The following GRID2 variants were observed in gnomAD, a reference collection of about 807,000 sequenced individuals.
GRID2 encodes glutamate ionotropic receptor delta type subunit 2.
In GRID2, 33 loss-of-function variants were observed where a neutral mutation model predicts 114.8. That is an observed-to-expected ratio of 0.29 (90% confidence interval 0.22 to 0.38). The LOEUF (loss-of-function observed/expected upper bound fraction) is 0.38. Among genes scored for constraint, GRID2 ranks in the 10% least tolerant of loss-of-function variants. The pLI is 1.00. For synonymous variants in GRID2, 505 were observed against 449.9 expected (o/e 1.12, Z -1.55); for missense variants, 1,184 against 1,257.7 (o/e 0.94, Z 0.89).
At chr4:92,437,311 G>A (rs572205515) in intron 1 of GRID2, among the ~76,000 whole-genome samples, 10 of 152,110 alleles carry the variant, frequency 6.6e-5, no homozygotes, top group East Asian at 1.9e-4. Context: ...ACAGATTCTC[G>A]CCCTGTAGCC....
intron 2 of GRID2, among the ~76,000 whole-genome samples, chr4:92,973,902 C>T (rs1035557745): frequency 1.3e-5 from 2 of 152,038 alleles, no homozygotes; most frequent in Non-Finnish European, 2.9e-5. Flanking sequence ...AGTGAACAGG[C>T]AACCTACAGA....
chr4:93,421,676 T>C (rs978507238), intron 9 of GRID2, among the ~76,000 whole-genome samples: 3 of 152,092 alleles, frequency 2.0e-5, no homozygotes, highest in Middle Eastern at 3.2e-3. Context: ...CCCTGAACAA[T>C]TACAAAATTT....
At chr4:93,105,116 G>C (rs1356605380) in intron 3 of GRID2, among the ~76,000 whole-genome samples, 1 of 152,182 alleles carries the variant, frequency 6.6e-6, no homozygotes, top group Admixed American at 6.5e-5. Flanking sequence ...CTTTTGAGAA[G>C]TGTCTGTTCA....
At chr4:92,957,983 T>C (rs1274210415) in intron 2 of GRID2, among the ~76,000 whole-genome samples, 1 of 152,088 alleles carries the variant, frequency 6.6e-6, no homozygotes, top group African/African-American at 2.4e-5. Flanking sequence ...AGTGATTAAC[T>C]TGTGTATATT....
intron 13 of GRID2, among the ~76,000 whole-genome samples, chr4:93,553,102 T>C (rs1340109231): frequency 6.6e-6 from 1 of 152,212 alleles, no homozygotes; most frequent in Non-Finnish European, 1.5e-5. Flanking sequence ...TGCGTGTGCA[T>C]GTGTCTTTAC....
At chr4:93,373,726 A>G (rs1301166189) in intron 8 of GRID2, among the ~76,000 whole-genome samples, 3 of 152,152 alleles carry the variant, frequency 2.0e-5, no homozygotes, top group Non-Finnish European at 4.4e-5. Context: ...TGATTAATTA[A>G]CTTCTCTCCT....
chr4:93,534,178 C>A (rs1731789554), intron 13 of GRID2, among the ~76,000 whole-genome samples: 1 of 152,150 alleles, frequency 6.6e-6, no homozygotes, highest in South Asian at 2.1e-4. Flanking sequence ...AAATGCAATA[C>A]CCCTGATACC....
At chr4:93,464,715 A>G (rs1343205021) in intron 11 of GRID2, among the ~76,000 whole-genome samples, 4 of 152,182 alleles carry the variant, frequency 2.6e-5, no homozygotes, top group Non-Finnish European at 4.4e-5. Context: ...AATTTAACAA[A>G]AGATAAATGC....
At chr4:93,321,870 TC>T (rs537361523) in intron 8 of GRID2, among the ~76,000 whole-genome samples, 1 of 151,926 alleles carries the variant, frequency 6.6e-6, no homozygotes, top group Non-Finnish European at 1.5e-5. Flanking sequence ...ATATTTTAAT[TC>T]CAATTAAAGC....
At chr4:92,819,402 C>T (rs577884927) in intron 2 of GRID2, among the ~76,000 whole-genome samples, 2 of 151,962 alleles carry the variant, frequency 1.3e-5, no homozygotes, top group Non-Finnish European at 2.9e-5. Context: ...AAATGAAGGG[C>T]ACATGTATGG....
intron 1 of GRID2, among the ~76,000 whole-genome samples, chr4:92,309,751 A>T (rs947643193): frequency 6.6e-6 from 1 of 151,776 alleles, no homozygotes; most frequent in Non-Finnish European, 1.5e-5. Flanking sequence ...TAGTGATACA[A>T]TTTTTTTTCT....
chr4:92,438,257 A>G (rs1732834429), intron 1 of GRID2, among the ~76,000 whole-genome samples: 1 of 152,140 alleles, frequency 6.6e-6, no homozygotes. Context: ...TAAACCAACT[A>G]TGTCACACAA....
chr4:92,336,954 G>GTTT (rs59093874), intron 1 of GRID2, among the ~76,000 whole-genome samples: 2,806 of 78,108 alleles, frequency 0.036, 146 homozygotes, highest in Middle Eastern at 0.069. Flanking sequence ...TTTCGTTGTT[G>GTTT]TTTTTTTTTT....
intron 2 of GRID2, among the ~76,000 whole-genome samples, chr4:92,762,883 C>CT (rs1053061289): frequency 6.6e-6 from 1 of 152,156 alleles, no homozygotes; most frequent in African/African-American, 2.4e-5. Context: ...CTGTTTTCTC[C>CT]TTTTTCTGAC....
At chr4:92,769,784 C>G (rs890777632) in intron 2 of GRID2, among the ~76,000 whole-genome samples, 2 of 152,100 alleles carry the variant, frequency 1.3e-5, no homozygotes, top group African/African-American at 4.8e-5. Flanking sequence ...CACCAAGCCC[C>G]TAGACTGCAC....
chr4:92,693,404 T>C (rs1302715529), intron 2 of GRID2, among the ~76,000 whole-genome samples: 1 of 152,240 alleles, frequency 6.6e-6, no homozygotes, highest in Non-Finnish European at 1.5e-5. Context: ...ATTTCATTTG[T>C]GCAGTTTTGC....
chr4:92,453,054 G>A (rs1214117423), intron 1 of GRID2, among the ~76,000 whole-genome samples: 1 of 151,886 alleles, frequency 6.6e-6, no homozygotes, highest in Non-Finnish European at 1.5e-5. Context: ...GTGTGGGTGT[G>A]TGTGTGGGGG....
At chr4:92,797,061 A>G (rs1359002544) in intron 2 of GRID2, among the ~76,000 whole-genome samples, 1 of 151,978 alleles carries the variant, frequency 6.6e-6, no homozygotes, top group Non-Finnish European at 1.5e-5. Flanking sequence ...GATATGGAAG[A>G]CAACCACAGC....
intron 12 of GRID2, among the ~76,000 whole-genome samples, chr4:93,499,472 A>C (rs571467743): frequency 1.3e-5 from 2 of 151,838 alleles, no homozygotes; most frequent in South Asian, 4.2e-4. Flanking sequence ...GGGCACCAAC[A>C]AATTCCTTCT....
Sources: gnomAD v4.1 joint callset for allele counts (sites outside exome capture counted in the v4.1 genomes callset) on GRCh38, gnomAD v4.1.1 for gene constraint, MANE v1.5 for transcripts, NCBI Gene and HGNC (gene_info 2026-07-23, HGNC 2026-07-21) for gene names.